Variants in ORC5 observed in about 807,000 individuals in gnomAD.
ORC5 encodes origin recognition complex subunit 5.
ORC5 carries 39 observed loss-of-function variants against 58.8 expected under a neutral mutation model. That is an observed-to-expected ratio of 0.66 (90% CI 0.51 to 0.87). The LOEUF (loss-of-function observed/expected upper bound fraction) is 0.87. Ranked by LOEUF, ORC5 falls within the 40% of genes least tolerant of loss-of-function variation. ORC5 has a pLI of 0.00. For synonymous variants in ORC5, 218 were observed against 177.6 expected (o/e 1.23, Z -1.81); for missense variants, 493 against 506.3 (o/e 0.97, Z 0.25).
chr7:104,141,820 A>G (rs1343950294), intron 12 of ORC5, among the ~76,000 whole-genome samples: 3 of 152,332 alleles, frequency 2.0e-5, no homozygotes, highest in East Asian at 3.9e-4. Context: ...AAGAAATTCA[A>G]GACGACACAA....
chr7:104,207,143 T>C (rs935469879), intron 1 of ORC5, among the ~76,000 whole-genome samples: 7 of 152,196 alleles, frequency 4.6e-5, no homozygotes, highest in South Asian at 4.1e-4. Flanking sequence ...CCAATTCTGA[T>C]TGAGTCTGAA....
intron 12 of ORC5, among the ~76,000 whole-genome samples, chr7:104,143,679 T>C (rs1320105730): frequency 6.6e-6 from 1 of 152,128 alleles, no homozygotes; most frequent in Non-Finnish European, 1.5e-5. Context: ...TAGAATGTGA[T>C]TTTTCACATT....
chr7:104,143,470 T>C (rs115305602), intron 12 of ORC5, among the ~76,000 whole-genome samples: 1 of 152,176 alleles, frequency 6.6e-6, no homozygotes, highest in Non-Finnish European at 1.5e-5. Context: ...GAAGTCACTT[T>C]CAGTTCTACC....
intron 12 of ORC5, among the ~76,000 whole-genome samples, chr7:104,145,082 T>G (rs745694308): frequency 6.6e-6 from 1 of 152,174 alleles, no homozygotes; most frequent in Non-Finnish European, 1.5e-5. Flanking sequence ...ACAGGGGTCT[T>G]TGGGGGACAG....
chr7:104,199,137 C>T (rs982048495), intron 3 of ORC5, among the ~76,000 whole-genome samples: 1 of 150,624 alleles, frequency 6.6e-6, no homozygotes, highest in African/African-American at 2.4e-5. Flanking sequence ...TAGGGCAGTA[C>T]AGAAGGGGAA....
At position 104,198,622 on chromosome 7, in the gene ORC5, C is replaced by T. The variant is rs1240835620; in HGVS notation, c.367-823G>A. On this transcript the variant is annotated intron_variant, in intron 3 of 13. Coordinates refer to ENST00000297431, the MANE Select transcript of ORC5 (RefSeq NM_002553.4). ...AGAGATTATCTAAAACTGGAACTTA[C>T]ATTTAAAAGGGAAGCAGAGCATAAA... 4.6e-5 allele frequency among the ~76,000 whole-genome samples: 7 copies of T among 152,326 alleles called. No homozygotes were observed. The East Asian group carries it at 1.3e-3, about 29-fold the overall frequency.
At chr7:104,197,451 C>G (rs1799826330) in intron 4 of ORC5, among the ~76,000 whole-genome samples, 1 of 152,158 alleles carries the variant, frequency 6.6e-6, no homozygotes, top group Admixed American at 6.5e-5. Context: ...GTCTGGCCCT[C>G]TGCCATTTAT....
intron 6 of ORC5, 79 bp from the exon 7 acceptor site, chr7:104,184,250 T>C: frequency 1.1e-6 from 1 of 907,700 alleles, no homozygotes; most frequent in Non-Finnish European, 1.6e-6. Flanking sequence ...AAGTAAAATC[T>C]GTATTGCAGT....
chr7:104,131,350 C>G (rs951293496), intron 13 of ORC5, among the ~76,000 whole-genome samples: 1 of 152,182 alleles, frequency 6.6e-6, no homozygotes, highest in African/African-American at 2.4e-5. Context: ...ATTCCGCTCT[C>G]TCATCTACAG....
chr7:104,183,070 G>C (rs1471999842), intron 8 of ORC5, among the ~76,000 whole-genome samples: 1 of 152,190 alleles, frequency 6.6e-6, no homozygotes, highest in Non-Finnish European at 1.5e-5. Context: ...AGGAGGCAGA[G>C]GTTGCAGTAT....
At position 104,191,519 on chromosome 7, in the gene ORC5, T is replaced by A. The variant is rs538300323; in HGVS notation, c.554-3138A>T. Among the ~76,000 whole-genome samples the A allele has an allele frequency of 1.5e-3, 233 of 152,164 alleles. 1 individual carries two copies. Among genetic ancestry groups the A allele is most frequent in the African/African-American group, 5.4e-3 (223 of 41,536 alleles). On this transcript the variant is annotated intron_variant, in intron 5 of 13. Coordinates refer to ENST00000297431, the MANE Select transcript of ORC5 (RefSeq NM_002553.4). ...TATTCCTTACAGGTAGCCCTCTGTA[T>A]CCCATAAGACAGTTGATTAGATGTT...
At chr7:104,175,572 A>AT (rs1482346346) in intron 8 of ORC5, among the ~76,000 whole-genome samples, 1 of 152,216 alleles carries the variant, frequency 6.6e-6, no homozygotes, top group Non-Finnish European at 1.5e-5. Context: ...GGAACAGTTA[A>AT]TTTAAGAGTT....
chr7:104,204,264 G>A (rs764246176), intron 1 of ORC5, 30 bp from the exon 2 acceptor site: 2 of 1,224,498 alleles, frequency 1.6e-6, no homozygotes, highest in East Asian at 2.3e-5. Context: ...ATATGAGGCT[G>A]CACATACAAA....
intron 5 of ORC5, among the ~76,000 whole-genome samples, chr7:104,189,892 T>C (rs1201712147): frequency 6.6e-6 from 1 of 152,158 alleles, no homozygotes; most frequent in Non-Finnish European, 1.5e-5. Context: ...TTTTCTGGAG[T>C]ACAGGTAGAA....
intron 12 of ORC5, among the ~76,000 whole-genome samples, chr7:104,148,766 G>T (rs986336345): frequency 2.6e-5 from 4 of 152,110 alleles, no homozygotes; most frequent in Non-Finnish European, 4.4e-5. Context: ...GCCAATGTTG[G>T]CTCACACCTG....
intron 3 of ORC5, among the ~76,000 whole-genome samples, chr7:104,199,871 T>C (rs542086933): frequency 1.7e-4 from 26 of 152,306 alleles, no homozygotes; most frequent in Admixed American, 8.5e-4. Flanking sequence ...TCTTAACTTG[T>C]AATCTCCATA....
chr7:104,187,021 G>A (rs1364538290), intron 6 of ORC5, among the ~76,000 whole-genome samples: 1 of 151,390 alleles, frequency 6.6e-6, no homozygotes, highest in Non-Finnish European at 1.5e-5. Context: ...TTTCCTTCTT[G>A]TACTTTATAA....
Position 104,126,730 on chromosome 7 carries a change from C to A in ORC5, c.*118G>T, listed in dbSNP as rs1008847170. 1 of 679,696 alleles carries A rather than the reference C, an allele frequency of 1.5e-6. No homozygotes were observed. Among genetic ancestry groups the A allele is most frequent in the Non-Finnish European group, 2.5e-6 (1 of 394,234 alleles). 42.1% of individuals were successfully genotyped at this position (679,696 alleles called of 1,614,324 possible). A position where few individuals can be genotyped will look rare whatever the true frequency, so the allele number is the denominator to read the frequency against. ...ATCAGATTCCATGCTGGGCCAGCAC[C>A]TGTTTGGACAAATCCAATAGAGCCA... is the stretch of plus-strand genomic sequence containing the variant. On this transcript the variant is annotated 3_prime_UTR_variant, in exon 14 of 14. Coordinates refer to ENST00000297431, the MANE Select transcript of ORC5 (RefSeq NM_002553.4).
chr7:104,202,612 A>G, intron 2 of ORC5: 1 of 429,568 alleles, frequency 2.3e-6, no homozygotes, highest in South Asian at 1.7e-5. Flanking sequence ...CTACAGTGTG[A>G]TAAAAAATGG....
Sources: gnomAD v4.1 joint callset for allele counts (sites outside exome capture counted in the v4.1 genomes callset) on GRCh38, gnomAD v4.1.1 for gene constraint, MANE v1.5 for transcripts, NCBI Gene and HGNC (gene_info 2026-07-23, HGNC 2026-07-21) for gene names.